TGFBR1: variants seen among roughly 807,000 people sequenced by gnomAD.
TGFBR1 encodes transforming growth factor beta receptor 1, also known as TGF-beta receptor type-1.
TGFBR1 carries 20 observed loss-of-function variants against 55.1 expected under a neutral mutation model. The ratio of observed to expected loss-of-function variants is 0.36; its 90% confidence interval spans 0.26 to 0.53. The LOEUF (loss-of-function observed/expected upper bound fraction) is 0.53. Among genes scored for constraint, TGFBR1 ranks in the 20% least tolerant of loss-of-function variants. The pLI is 0.91. For synonymous variants in TGFBR1, 220 were observed against 214.8 expected (o/e 1.02, Z -0.21); for missense variants, 385 against 617.6 (o/e 0.62, Z 3.99).
chr9:99,118,407 G>A (rs1826808644), intron 1 of TGFBR1, among the ~76,000 whole-genome samples: 1 of 152,122 alleles, frequency 6.6e-6, no homozygotes, highest in Non-Finnish European at 1.5e-5. Context: ...AAGGGAAAAT[G>A]ACAGTCATGC....
rs186157987 is a variant in TGFBR1, at chr9:99,153,135, T to C, written c.*3830T>C. On this transcript the variant is annotated 3_prime_UTR_variant, in exon 9 of 9. Transcript: ENST00000374994. Reference sequence around the variant, plus strand: ...GATATTTCTTCATATGTTAAGGAGATGCTTCAAAATGTCAATTGCTTTAAA... The same window carrying C: ...GATATTTCTTCATATGTTAAGGAGACGCTTCAAAATGTCAATTGCTTTAAA... 40 of 226,438 alleles carry C rather than the reference T, an allele frequency of 1.8e-4. 1 individual carries two copies. In the East Asian group the frequency reaches 1.8e-3, roughly 10 times the overall value. 14.0% of individuals were successfully genotyped at this position (226,438 alleles called of 1,614,324 possible).
intron 1 of TGFBR1, among the ~76,000 whole-genome samples, chr9:99,117,924 C>A (rs1826794929): frequency 6.6e-6 from 1 of 152,136 alleles, no homozygotes; most frequent in Admixed American, 6.5e-5. Context: ...GGAATATTGA[C>A]CTCTTTACAG....
At chr9:99,127,802 G>A (rs1288220562) in intron 1 of TGFBR1, 1 of 399,178 alleles carries the variant, frequency 2.5e-6, no homozygotes, top group East Asian at 7.2e-5. Flanking sequence ...TTAAGAACAT[G>A]TCTGTGCTTT....
chr9:99,133,681 A>G (rs1827322707), intron 3 of TGFBR1, among the ~76,000 whole-genome samples: 1 of 152,202 alleles, frequency 6.6e-6, no homozygotes, highest in Non-Finnish European at 1.5e-5. Flanking sequence ...GTTGATAAAA[A>G]CACTTCAAGT....
At position 99,105,139 on chromosome 9, in the gene TGFBR1, A is replaced by G. The variant is rs1298238479; in HGVS notation, c.-67A>G. 2 of 1,058,258 alleles carry G rather than the reference A, an allele frequency of 1.9e-6. No individual in the cohort carries two copies. Among genetic ancestry groups the G allele is most frequent in the East Asian group, 5.4e-5 (1 of 18,544 alleles). 65.6% of individuals were successfully genotyped at this position (1,058,258 alleles called of 1,614,324 possible). On this transcript the variant is annotated 5_prime_UTR_variant, in exon 1 of 9. Transcript: ENST00000374994. ...GCGGCTAGGGAGGTGGGGCGAGGCG[A>G]GGTTTGCTGGGGTGAGGCAGCGGCG...
At chr9:99,142,733 G>A (rs1827656501) in intron 5 of TGFBR1, 30 bp downstream of exon 5, 1 of 1,612,144 alleles carries the variant, frequency 6.2e-7, no homozygotes, top group Admixed American at 1.7e-5. Flanking sequence ...TATTATTTAA[G>A]CTTTAAATTT....
chr9:99,141,312 G>A (rs912623767), intron 4 of TGFBR1, among the ~76,000 whole-genome samples: 3 of 152,198 alleles, frequency 2.0e-5, no homozygotes, highest in Non-Finnish European at 2.9e-5. Context: ...CCTTTTAAAT[G>A]TACCCAGAAA....
At chr9:99,146,378 A>G (rs1827795996) in intron 6 of TGFBR1, 107 bp from the exon 7 acceptor site, 4 of 1,267,892 alleles carry the variant, frequency 3.2e-6, no homozygotes, top group Non-Finnish European at 4.6e-6. Context: ...TTGTTATGTA[A>G]TATTGTGTAC....
intron 7 of TGFBR1, 87 bp from the exon 8 acceptor site, chr9:99,147,567 T>C (rs1827836018): frequency 3.2e-6 from 4 of 1,260,776 alleles, no homozygotes; most frequent in Admixed American, 1.8e-5. Flanking sequence ...AATGAAACAC[T>C]GTAATAGGTC....
chr9:99,105,379 C>T (rs1198788611), intron 1 of TGFBR1, 77 bp downstream of exon 1: 31 of 971,684 alleles, frequency 3.2e-5, no homozygotes, highest in Non-Finnish European at 3.5e-5. Context: ...CCTGCTCTTT[C>T]TCAAACATGG....
chr9:99,117,301 G>A (rs559036200), intron 1 of TGFBR1, among the ~76,000 whole-genome samples: 134 of 147,344 alleles, frequency 9.1e-4, no homozygotes, highest in African/African-American at 3.2e-3. Flanking sequence ...GTTTCACCGT[G>A]TTGGCCAGGC....
upstream of TGFBR1, among the ~76,000 whole-genome samples, chr9:99,104,876 G>A (rs1287564894): frequency 6.6e-6 from 1 of 152,058 alleles, no homozygotes. Flanking sequence ...CTCGGAGCCG[G>A]GAGCCGATCG....
upstream of TGFBR1, chr9:99,103,981 G>T (rs1382618803): frequency 6.6e-6 from 1 of 152,114 alleles, no homozygotes; most frequent in Non-Finnish European, 1.5e-5. Context: ...TCCTTAAAAG[G>T]TTCTGCGGAA....
chr9:99,141,323 TCTC>T (rs1463439628), intron 4 of TGFBR1, among the ~76,000 whole-genome samples: 2 of 152,176 alleles, frequency 1.3e-5, no homozygotes, highest in African/African-American at 4.8e-5. Context: ...TACCCAGAAA[TCTC>T]CTCCAGAATC....
chr9:99,149,218 G>C lies in TGFBR1; in HGVS notation c.1425G>C (p.Trp475Cys), dbSNP rs767589799. The part of the protein sequence containing the change: ...RVMAKIMREC[W>C]YANGAARLTA... ...TGGCTAAAATTATGAGAGAATGTTG[G>C]TATGCCAATGGAGCAGCTAGGCTTA... Residue 475 changes from tryptophan (W) to cysteine (C), a missense_variant, in exon 9 of 9, where the codon TGG (tryptophan) becomes TGC (cysteine). Physicochemically the swap from Trp to Cys is radical, Grantham distance 215 (BLOSUM62 -2). Transcript: ENST00000374994. 1 of 1,613,412 alleles carries C rather than the reference G, an allele frequency of 6.2e-7. No homozygotes were observed. Among genetic ancestry groups the C allele is most frequent in the East Asian group, 2.2e-5 (1 of 44,858 alleles).
rs1166355543 is a variant in TGFBR1, at chr9:99,153,125, G to A, written c.*3820G>A. 4.4e-6 allele frequency: 1 copy of A among 226,632 alleles called. No homozygotes were observed. The highest frequency in any genetic ancestry group is 1.3e-3 in the Middle Eastern group (1 of 756). 14.0% of individuals were successfully genotyped at this position (226,632 alleles called of 1,614,324 possible). ...TAGGGTGTTTGATATTTCTTCATAT[G>A]TTAAGGAGATGCTTCAAAATGTCAA... On this transcript the variant is annotated 3_prime_UTR_variant, in exon 9 of 9. Coordinates refer to ENST00000374994, the MANE Select transcript of TGFBR1 (RefSeq NM_004612.4).
chr9:99,104,292 T>C (rs979650528), upstream of TGFBR1, among the ~76,000 whole-genome samples: 1 of 151,340 alleles, frequency 6.6e-6, no homozygotes, highest in African/African-American at 2.4e-5. Context: ...CTTTGAGGGG[T>C]TGGGGTGGGG....
chr9:99,109,761 T>A (rs1826511299), intron 1 of TGFBR1, among the ~76,000 whole-genome samples: 1 of 152,204 alleles, frequency 6.6e-6, no homozygotes, highest in African/African-American at 2.4e-5. Context: ...ATCATGTGAT[T>A]GGGTCACATC....
At chr9:99,121,485 C>T (rs1406787457) in intron 1 of TGFBR1, among the ~76,000 whole-genome samples, 1 of 151,934 alleles carries the variant, frequency 6.6e-6, no homozygotes, top group Non-Finnish European at 1.5e-5. Context: ...GAGAAGGGGG[C>T]ATGTGTTGAG....
Sources: gnomAD v4.1 joint callset for allele counts (sites outside exome capture counted in the v4.1 genomes callset) on GRCh38, gnomAD v4.1.1 for gene constraint, MANE v1.5 for transcripts, NCBI Gene and HGNC (gene_info 2026-07-23, HGNC 2026-07-21) for gene names.